The following SH3KBP1 variants were observed in gnomAD, a reference collection of about 807,000 sequenced individuals.
SH3KBP1 encodes the protein SH3 domain containing kinase binding protein 1.
In SH3KBP1, 8 loss-of-function variants were observed where a neutral mutation model predicts 50.1. That is an observed-to-expected ratio of 0.16 (90% confidence interval 0.09 to 0.29). The LOEUF is 0.29. Ranked by LOEUF, SH3KBP1 falls within the 10% of genes least tolerant of loss-of-function variation. The probability of loss-of-function intolerance (pLI) is 1.00; values close to 1 mark genes in which losing one functional copy is unlikely to be tolerated. For synonymous variants in SH3KBP1, 227 were observed against 218.6 expected (o/e 1.04, Z -0.34); for missense variants, 377 against 535.2 (o/e 0.70, Z 2.92).
intron 3 of SH3KBP1, among the ~76,000 whole-genome samples, chrX:19,734,265 A>T (rs1193070151): frequency 2.7e-5 from 3 of 111,953 alleles, no homozygotes; most frequent in Non-Finnish European, 5.6e-5. Flanking sequence ...CAAATCGATT[A>T]TCTAATATTT....
At chrX:19,571,226 C>A (rs778588494) in intron 12 of SH3KBP1, among the ~76,000 whole-genome samples, 1 of 112,272 alleles carries the variant, frequency 8.9e-6, no homozygotes, top group African/African-American at 3.2e-5. Context: ...CCCTTCCAAG[C>A]TAGGCTGAAA....
chrX:19,853,632 CT>C (rs750047785), intron 1 of SH3KBP1, among the ~76,000 whole-genome samples: 3 of 111,297 alleles, frequency 2.7e-5, no homozygotes, highest in Non-Finnish European at 5.7e-5. Context: ...TCCCTTCCCC[CT>C]GGCACATCTC....
intron 15 of SH3KBP1, among the ~76,000 whole-genome samples, chrX:19,543,305 C>T (rs984051858): frequency 2.7e-5 from 3 of 111,820 alleles, no homozygotes; most frequent in Non-Finnish European, 5.6e-5. Flanking sequence ...ATGGGAGAAA[C>T]AGCAGACTGA....
intron 2 of SH3KBP1, among the ~76,000 whole-genome samples, chrX:19,790,732 C>A (rs755305525): frequency 9.0e-6 from 1 of 110,663 alleles, no homozygotes; most frequent in Non-Finnish European, 1.9e-5. Flanking sequence ...GTAGTAATGA[C>A]TGTAACATGA....
chrX:19,802,801 C>T (rs1603253474), intron 2 of SH3KBP1, among the ~76,000 whole-genome samples: 3 of 111,261 alleles, frequency 2.7e-5, no homozygotes, highest in South Asian at 3.8e-4. Flanking sequence ...AAGTGTGCTT[C>T]CAGGTCAGTC....
chrX:19,873,327 TAC>T (rs1186283702), intron 1 of SH3KBP1, among the ~76,000 whole-genome samples: 7 of 102,365 alleles, frequency 6.8e-5, no homozygotes, highest in African/African-American at 2.5e-4. Flanking sequence ...TACATATATA[TAC>T]ATGTATATAT....
intron 2 of SH3KBP1, among the ~76,000 whole-genome samples, chrX:19,782,064 A>G (rs750815865): frequency 8.9e-6 from 1 of 111,774 alleles, no homozygotes; most frequent in East Asian, 2.8e-4. Flanking sequence ...TCAGGATCTT[A>G]TTTGGGGAAA....
intron 3 of SH3KBP1, among the ~76,000 whole-genome samples, chrX:19,708,664 G>C (rs367819611): frequency 3.2e-4 from 36 of 112,131 alleles, no homozygotes; most frequent in African/African-American, 1.1e-3. Flanking sequence ...AGCAAAGAAA[G>C]TCTAGATTAC....
intron 13 of SH3KBP1, among the ~76,000 whole-genome samples, chrX:19,558,758 C>T (rs1273145676): frequency 8.9e-6 from 1 of 111,813 alleles, no homozygotes; most frequent in African/African-American, 3.3e-5. Context: ...GGATTGAGTT[C>T]TCATTACATT....
At chrX:19,757,361 T>C (rs1219713367) in intron 2 of SH3KBP1, among the ~76,000 whole-genome samples, 3 of 110,251 alleles carry the variant, frequency 2.7e-5, no homozygotes, top group African/African-American at 9.9e-5. Context: ...CCAAGGTCTT[T>C]ACCCTAAGGT....
intron 2 of SH3KBP1, among the ~76,000 whole-genome samples, chrX:19,760,712 G>T (rs2065396007): frequency 9.0e-6 from 1 of 110,708 alleles, no homozygotes. Context: ...CCTCAGTTTT[G>T]TTAGTTTATC....
chrX:19,881,684 A>G (rs962624252), intron 1 of SH3KBP1, among the ~76,000 whole-genome samples: 1 of 111,636 alleles, frequency 9.0e-6, no homozygotes, highest in African/African-American at 3.3e-5. Flanking sequence ...GGCATCGTCA[A>G]TAGGCGACAC....
chrX:19,873,273 C>CATATATATATATATATGTATATAT (rs954295291), intron 1 of SH3KBP1, among the ~76,000 whole-genome samples: 2 of 78,619 alleles, frequency 2.5e-5, no homozygotes, highest in Admixed American at 1.4e-4. Flanking sequence ...AAAACAAGGA[C>CATATATATATATATATGTATATAT]ATATATATAT....
intron 13 of SH3KBP1, among the ~76,000 whole-genome samples, chrX:19,562,023 T>A (rs1245182449): frequency 2.7e-5 from 3 of 110,793 alleles, no homozygotes; most frequent in Non-Finnish European, 5.7e-5. Flanking sequence ...ATGGGGCCCA[T>A]CAATGTCACT....
At chrX:19,777,660 G>A (rs1000131567) in intron 2 of SH3KBP1, among the ~76,000 whole-genome samples, 2 of 111,726 alleles carry the variant, frequency 1.8e-5, no homozygotes, top group Admixed American at 9.5e-5. Context: ...CTCCCTAGAT[G>A]CAAGGGTCTC....
At chrX:19,696,454 G>A (rs772956725) in intron 4 of SH3KBP1, among the ~76,000 whole-genome samples, 1 of 111,911 alleles carries the variant, frequency 8.9e-6, no homozygotes, top group East Asian at 2.8e-4. Context: ...GTACATTTCT[G>A]AAGGGTTCTA....
At chrX:19,778,265 T>C (rs1241489163) in intron 2 of SH3KBP1, among the ~76,000 whole-genome samples, 5 of 109,207 alleles carry the variant, frequency 4.6e-5, no homozygotes, top group African/African-American at 1.3e-4. Context: ...ACCCTGTCTC[T>C]ACTAAAAATA....
chrX:19,740,883 G>A (rs980481208), intron 3 of SH3KBP1: 1 of 227,309 alleles, frequency 4.4e-6, no homozygotes, highest in Non-Finnish European at 9.0e-6. Context: ...TAGAAAAAAC[G>A]TTTCCCCTTC....
intron 1 of SH3KBP1, among the ~76,000 whole-genome samples, chrX:19,860,027 G>C (rs1016008351): frequency 1.8e-5 from 2 of 111,189 alleles, no homozygotes; most frequent in African/African-American, 6.5e-5. Flanking sequence ...CTAGCCAAAA[G>C]GTAGAAACAA....
Sources: allele counts gnomAD v4.1 joint callset (sites outside exome capture counted in the v4.1 genomes callset), GRCh38; gene constraint gnomAD v4.1.1; transcripts MANE v1.5; gene names NCBI Gene and HGNC (gene_info 2026-07-23, HGNC 2026-07-21).